The following SCRN1 variants were observed in gnomAD, a reference collection of about 807,000 sequenced individuals.
SCRN1 encodes the protein secernin-1.
In SCRN1, 19 loss-of-function variants were observed where a neutral mutation model predicts 43.3. That is an observed-to-expected ratio of 0.44 (90% confidence interval 0.31 to 0.64). The LOEUF (loss-of-function observed/expected upper bound fraction) is 0.64, where lower values mean the gene tolerates loss of function less well. Ranked by LOEUF, SCRN1 falls within the 30% of genes least tolerant of loss-of-function variation. The pLI, the probability that SCRN1 is intolerant of heterozygous loss-of-function variation, is 0.09. For synonymous variants in SCRN1, 183 were observed against 188.9 expected (o/e 0.97, Z 0.26); for missense variants, 447 against 524.1 (o/e 0.85, Z 1.44).
At chr7:29,928,740 A>G (rs1303210519) in intron 6 of SCRN1, among the ~76,000 whole-genome samples, 1 of 152,164 alleles carries the variant, frequency 6.6e-6, no homozygotes, top group Non-Finnish European at 1.5e-5. Context: ...CCTTGCACAG[A>G]AGGAACACAC....
chr7:29,947,887 G>A (rs1276439676), intron 3 of SCRN1, among the ~76,000 whole-genome samples: 1 of 152,188 alleles, frequency 6.6e-6, no homozygotes, highest in Non-Finnish European at 1.5e-5. Flanking sequence ...TGAGGATACG[G>A]GGGAAGATGG....
In SCRN1 at chr7:29,924,247, C is replaced by T. The variant is rs184655284; in HGVS notation, c.1087-132G>A. The T allele has an allele frequency of 1.9e-4, 153 of 808,436 alleles. No homozygotes were observed. The Admixed American group carries it at 3.7e-3, about 20-fold the overall frequency. 50.1% of individuals were successfully genotyped at this position (808,436 alleles called of 1,614,324 possible). Reference sequence around the variant, plus strand: ...TCCTCCCCACACTCCGTTTCACACACGACTGCCGCAGGGATTGTTCTAGAA... The same window carrying T: ...TCCTCCCCACACTCCGTTTCACACATGACTGCCGCAGGGATTGTTCTAGAA... On this transcript the variant is annotated intron_variant, in intron 7 of 7. Coordinates refer to ENST00000242059, the MANE Select transcript of SCRN1 (RefSeq NM_014766.5).
At chr7:29,989,930 C>T, upstream of SCRN1, 14 of 1,223,318 alleles carry the variant, frequency 1.1e-5, no homozygotes, top group Non-Finnish European at 1.4e-5. Context: ...GCACGGGCCG[C>T]GGCGCTGCTC....
intron 1 of SCRN1, among the ~76,000 whole-genome samples, chr7:29,989,400 T>G (rs1789283961): frequency 6.6e-6 from 1 of 151,814 alleles, no homozygotes. Flanking sequence ...ATCCCTCCAC[T>G]GCACCCCCGC....
upstream of SCRN1, chr7:29,990,152 G>C (rs2127938186): frequency 6.4e-7 from 1 of 1,551,632 alleles, no homozygotes; most frequent in East Asian, 2.4e-5. Flanking sequence ...GCCCACACAA[G>C]ATTTCCCCGG....
chr7:29,951,746 T>G (rs1318539335), intron 3 of SCRN1, among the ~76,000 whole-genome samples: 1 of 152,192 alleles, frequency 6.6e-6, no homozygotes, highest in East Asian at 1.9e-4. Flanking sequence ...AAAACAATAT[T>G]GCCTAATGCT....
At chr7:29,982,856 T>C (rs1198191026) in intron 1 of SCRN1, among the ~76,000 whole-genome samples, 1 of 151,742 alleles carries the variant, frequency 6.6e-6, no homozygotes, top group East Asian at 1.9e-4. Flanking sequence ...ATTTTTTTTT[T>C]TTGAGACGGA....
At chr7:29,932,808 A>C (rs1250836639) in intron 6 of SCRN1, among the ~76,000 whole-genome samples, 2 of 151,692 alleles carry the variant, frequency 1.3e-5, no homozygotes, top group Non-Finnish European at 2.9e-5. Context: ...TAGCTCAGAC[A>C]CCCTATTTTC....
At chr7:29,958,063 A>G (rs1039462094) in intron 2 of SCRN1, among the ~76,000 whole-genome samples, 5 of 152,362 alleles carry the variant, frequency 3.3e-5, no homozygotes, top group Admixed American at 2.6e-4. Flanking sequence ...CCAAGTAGCC[A>G]GATGGGCCCA....
chr7:29,978,794 G>T (rs899081468), intron 1 of SCRN1, among the ~76,000 whole-genome samples: 1 of 152,204 alleles, frequency 6.6e-6, no homozygotes, highest in South Asian at 2.1e-4. Flanking sequence ...CATGGCAAAT[G>T]AACTAATTTT....
intron 3 of SCRN1, chr7:29,947,386 C>T: frequency 6.6e-7 from 1 of 1,521,014 alleles, no homozygotes; most frequent in Non-Finnish European, 8.9e-7. Flanking sequence ...AGAAACTCTG[C>T]TTATCTTTTC....
At chr7:29,982,019 T>C (rs1047123152) in intron 1 of SCRN1, among the ~76,000 whole-genome samples, 2 of 152,200 alleles carry the variant, frequency 1.3e-5, no homozygotes, top group African/African-American at 2.4e-5. Flanking sequence ...CTGTGGTTGA[T>C]ATACTCTGGC....
intron 5 of SCRN1, among the ~76,000 whole-genome samples, chr7:29,937,098 C>T (rs1046612754): frequency 2.6e-4 from 39 of 152,086 alleles, no homozygotes; most frequent in African/African-American, 9.4e-4. Flanking sequence ...TGTGGCGTGG[C>T]GGGCCACTAA....
intron 2 of SCRN1, among the ~76,000 whole-genome samples, chr7:29,961,485 G>A (rs1451363272): frequency 1.4e-5 from 2 of 145,000 alleles, no homozygotes; most frequent in African/African-American, 2.6e-5. Context: ...ACACAGACAC[G>A]GCAACCATCC....
intron 1 of SCRN1, among the ~76,000 whole-genome samples, chr7:29,989,434 G>A (rs1412760285): frequency 6.6e-6 from 1 of 152,126 alleles, no homozygotes; most frequent in Non-Finnish European, 1.5e-5. Context: ...AGTCACCCCG[G>A]CTTCAGGCCG....
chr7:29,930,204 T>C (rs1468698866), intron 6 of SCRN1, among the ~76,000 whole-genome samples: 2 of 152,198 alleles, frequency 1.3e-5, no homozygotes, highest in Non-Finnish European at 2.9e-5. Context: ...TAAAAAATAA[T>C]AATTACATAA....
At chr7:29,958,454 C>T (rs1240266478) in intron 2 of SCRN1, among the ~76,000 whole-genome samples, 1 of 152,210 alleles carries the variant, frequency 6.6e-6, no homozygotes, top group Non-Finnish European at 1.5e-5. Flanking sequence ...ACCTTTACAA[C>T]TGCCACATTA....
At chr7:29,986,886 G>A (rs912811906) in intron 1 of SCRN1, among the ~76,000 whole-genome samples, 3 of 151,716 alleles carry the variant, frequency 2.0e-5, no homozygotes, top group African/African-American at 4.8e-5. Flanking sequence ...CACCATGCCC[G>A]GCTAATTTTT....
intron 3 of SCRN1, 150 bp downstream of exon 3, chr7:29,955,029 T>C: frequency 1.5e-6 from 1 of 666,994 alleles, no homozygotes; most frequent in Non-Finnish European, 2.5e-6. Flanking sequence ...AATCCACTCA[T>C]TTATCTCATC....
Sources: allele counts gnomAD v4.1 joint callset (sites outside exome capture counted in the v4.1 genomes callset), GRCh38; gene constraint gnomAD v4.1.1; transcripts MANE v1.5; gene names NCBI Gene and HGNC (gene_info 2026-07-23, HGNC 2026-07-21).